GPC6: variants seen among roughly 807,000 people sequenced by gnomAD.
The protein encoded by GPC6 is glypican 6, also known as glypican-6.
Under a neutral mutation model 55.2 loss-of-function variants are expected in GPC6, and 14 were observed. That is an observed-to-expected ratio of 0.25 (90% CI 0.17 to 0.40). The LOEUF (loss-of-function observed/expected upper bound fraction) is 0.40, where lower values mean the gene tolerates loss of function less well. GPC6 is among the 10% of genes least tolerant of loss of function. GPC6 has a pLI of 1.00. For missense variants in GPC6, 641 were observed against 708.5 expected (o/e 0.90, Z 1.08); for synonymous variants, 278 against 259.6 (o/e 1.07, Z -0.68).
intron 6 of GPC6, among the ~76,000 whole-genome samples, chr13:94,370,732 C>T (rs1027532141): frequency 3.2e-4 from 48 of 152,290 alleles, no homozygotes; most frequent in African/African-American, 1.1e-3. Context: ...GCACCTCTAT[C>T]AGCAAAATAT....
intron 2 of GPC6, among the ~76,000 whole-genome samples, chr13:93,753,306 G>A (rs745511250): frequency 3.9e-5 from 6 of 152,032 alleles, no homozygotes; most frequent in African/African-American, 7.3e-5. Flanking sequence ...GCTTTTCCTC[G>A]GCATGTGCGT....
chr13:93,960,659 T>C (rs1482891272), intron 3 of GPC6, among the ~76,000 whole-genome samples: 1 of 152,114 alleles, frequency 6.6e-6, no homozygotes, highest in Non-Finnish European at 1.5e-5. Context: ...ACTTCACACA[T>C]TGGATCCCAA....
chr13:93,621,941 A>T (rs896510509), intron 2 of GPC6, among the ~76,000 whole-genome samples: 1 of 152,120 alleles, frequency 6.6e-6, no homozygotes, highest in African/African-American at 2.4e-5. Flanking sequence ...TTCTGCTATC[A>T]AACCTTAGAT....
chr13:94,002,888 C>A (rs936249814), intron 3 of GPC6, among the ~76,000 whole-genome samples: 2 of 152,136 alleles, frequency 1.3e-5, no homozygotes, highest in African/African-American at 4.8e-5. Flanking sequence ...TTACAAAGTG[C>A]TTTAATTTCT....
At chr13:93,441,975 G>A (rs528003243) in intron 1 of GPC6, among the ~76,000 whole-genome samples, 7 of 152,306 alleles carry the variant, frequency 4.6e-5, no homozygotes, top group African/African-American at 1.7e-4. Context: ...GCTAGCTGGG[G>A]ACATGATGGT....
chr13:94,322,950 C>T (rs766338233), intron 6 of GPC6, among the ~76,000 whole-genome samples: 2 of 152,058 alleles, frequency 1.3e-5, no homozygotes, highest in Admixed American at 6.6e-5. Flanking sequence ...TGGTCTGGCA[C>T]ACATGTGTAT....
intron 1 of GPC6, among the ~76,000 whole-genome samples, chr13:93,478,911 C>A (rs1330931167): frequency 3.9e-5 from 6 of 152,088 alleles, no homozygotes; most frequent in Admixed American, 1.3e-4. Flanking sequence ...CATGTTGGAC[C>A]TTTTGAGAGA....
At chr13:94,183,726 A>G (rs533453164) in intron 4 of GPC6, among the ~76,000 whole-genome samples, 44 of 152,268 alleles carry the variant, frequency 2.9e-4, no homozygotes, top group African/African-American at 9.9e-4. Flanking sequence ...GCCAACAGTA[A>G]TTGTTTCTTA....
chr13:93,287,126 T>C (rs1279115250), intron 1 of GPC6, among the ~76,000 whole-genome samples: 1 of 152,212 alleles, frequency 6.6e-6, no homozygotes, highest in Non-Finnish European at 1.5e-5. Flanking sequence ...TCTCATTATG[T>C]ATATGCAAAT....
Position 93,721,416 on chromosome 13 carries a change from G to A in GPC6, c.320-108738G>A, listed in dbSNP as rs549724573. Among the ~76,000 whole-genome samples the A allele has an allele frequency of 4.5e-3, 683 of 151,820 alleles. 6 individuals are homozygous for A. Among genetic ancestry groups the A allele is most frequent in the African/African-American group, 0.015 (627 of 41,480 alleles). On this transcript the variant is annotated intron_variant, in intron 2 of 8. Transcript: ENST00000377047. ...GAGTAGCTGATTAAAGTAAAACTAA[G>A]AGAAGGGATGAATTGTTAGAATTTT... is the stretch of plus-strand genomic sequence containing the variant.
At chr13:93,282,005 T>C (rs1877967838) in intron 1 of GPC6, among the ~76,000 whole-genome samples, 1 of 152,212 alleles carries the variant, frequency 6.6e-6, no homozygotes, top group South Asian at 2.1e-4. Context: ...ATTTAGCCTC[T>C]CATTTTCATT....
chr13:93,799,186 A>G (rs1886295866), intron 2 of GPC6, among the ~76,000 whole-genome samples: 1 of 152,110 alleles, frequency 6.6e-6, no homozygotes, highest in Non-Finnish European at 1.5e-5. Context: ...TGAAGTCTCC[A>G]GTTCTTGAAG....
intron 6 of GPC6, among the ~76,000 whole-genome samples, chr13:94,334,103 AG>A (rs1877561112): frequency 6.6e-6 from 1 of 152,182 alleles, no homozygotes; most frequent in South Asian, 2.1e-4. Flanking sequence ...TATCTTCTGT[AG>A]TTCCCTCTAT....
At chr13:93,613,938 T>G (rs1878603326) in intron 2 of GPC6, among the ~76,000 whole-genome samples, 1 of 152,170 alleles carries the variant, frequency 6.6e-6, no homozygotes, top group Non-Finnish European at 1.5e-5. Context: ...ATTTAGAAAT[T>G]GCCTGGATTC....
chr13:94,017,226 T>C (rs1041311020), intron 3 of GPC6, among the ~76,000 whole-genome samples: 2 of 152,236 alleles, frequency 1.3e-5, no homozygotes, highest in Non-Finnish European at 2.9e-5. Flanking sequence ...GTAACTTTGC[T>C]AGATTTATTT....
chr13:94,214,357 C>A (rs1478289221), intron 4 of GPC6, among the ~76,000 whole-genome samples: 1 of 152,180 alleles, frequency 6.6e-6, no homozygotes, highest in Non-Finnish European at 1.5e-5. Context: ...CATCTTTCAA[C>A]TTCACTCCCA....
intron 4 of GPC6, among the ~76,000 whole-genome samples, chr13:94,266,308 A>T (rs1365531951): frequency 6.6e-6 from 1 of 152,082 alleles, no homozygotes. Context: ...AGCTGGGACT[A>T]CAGGCGCCCG....
At chr13:94,058,764 G>C (rs911748464) in intron 4 of GPC6, among the ~76,000 whole-genome samples, 6 of 151,964 alleles carry the variant, frequency 3.9e-5, no homozygotes, top group African/African-American at 1.4e-4. Context: ...TCCTTCCCAT[G>C]CATCGCCTTT....
intron 1 of GPC6, among the ~76,000 whole-genome samples, chr13:93,456,580 C>G (rs909299806): frequency 4.6e-5 from 7 of 151,986 alleles, no homozygotes; most frequent in South Asian, 4.2e-4. Flanking sequence ...TACAAAGAAC[C>G]GCAAACTGGG....
Sources: gnomAD v4.1 joint callset for allele counts (sites outside exome capture counted in the v4.1 genomes callset) on GRCh38, gnomAD v4.1.1 for gene constraint, MANE v1.5 for transcripts, NCBI Gene and HGNC (gene_info 2026-07-23, HGNC 2026-07-21) for gene names.